Variants in C12orf42 observed in about 807,000 individuals in gnomAD.
C12orf42 encodes the protein uncharacterized protein C12orf42.
Under a neutral mutation model 21.6 loss-of-function variants are expected in C12orf42, and 25 were observed. The observed-to-expected ratio is 1.16, with a 90% CI of 0.84 to 1.62. The LOEUF (loss-of-function observed/expected upper bound fraction) is 1.62. C12orf42 is among the 40% of genes most tolerant of loss of function. The probability of loss-of-function intolerance (pLI) is 0.00; values close to 1 mark genes in which losing one functional copy is unlikely to be tolerated. For missense variants in C12orf42, 483 were observed against 459.3 expected (o/e 1.05, Z -0.47); for synonymous variants, 174 against 175.0 (o/e 0.99, Z 0.05).
intron 2 of C12orf42, among the ~76,000 whole-genome samples, chr12:103,416,419 T>G (rs1254548971): frequency 1.3e-5 from 2 of 152,010 alleles, no homozygotes; most frequent in African/African-American, 4.8e-5. Context: ...CTTGAGAGCC[T>G]GGAAATCCAG....
intron 10 of C12orf42, among the ~76,000 whole-genome samples, chr12:103,252,645 G>GT (rs2034367927): frequency 1.3e-5 from 2 of 152,130 alleles, no homozygotes; most frequent in African/African-American, 2.4e-5. Context: ...GGGGTTGTTT[G>GT]TTTTTTTCTT....
chr12:103,298,916 T>C (rs752488941), downstream of C12orf42, among the ~76,000 whole-genome samples: 41 of 152,330 alleles, frequency 2.7e-4, no homozygotes, highest in Non-Finnish European at 5.6e-4. Context: ...TAATCTCTTA[T>C]GCTTTGTTTG....
chr12:103,255,152 CA>C (rs2034497928), intron 10 of C12orf42, among the ~76,000 whole-genome samples: 1 of 152,072 alleles, frequency 6.6e-6, no homozygotes, highest in African/African-American at 2.4e-5. Flanking sequence ...GAGGAAAAAT[CA>C]CGAGGTCAAG....
chr12:103,244,203 C>A (rs925037299), intron 10 of C12orf42, among the ~76,000 whole-genome samples: 4 of 152,092 alleles, frequency 2.6e-5, no homozygotes, highest in Admixed American at 2.6e-4. Flanking sequence ...CCATAACATG[C>A]ACGGATCCTA....
the C12orf42 span, among the ~76,000 whole-genome samples, chr12:103,186,191 A>C: frequency 6.6e-6 from 1 of 152,218 alleles, no homozygotes. Context: ...TAGGTCAAGA[A>C]AGCTACCAGG....
chr12:103,376,946 A>C (rs1403285412), intron 3 of C12orf42, among the ~76,000 whole-genome samples: 1 of 151,364 alleles, frequency 6.6e-6, no homozygotes, highest in African/African-American at 2.4e-5. Context: ...TTCCATTTTT[A>C]AAGCTTTTTC....
chr12:103,408,825 G>A (rs1259722916), intron 2 of C12orf42, among the ~76,000 whole-genome samples: 2 of 152,140 alleles, frequency 1.3e-5, no homozygotes, highest in Non-Finnish European at 2.9e-5. Flanking sequence ...AAGCACAAAA[G>A]TGCATCTGCT....
the C12orf42 span, among the ~76,000 whole-genome samples, chr12:103,196,632 G>C: frequency 1.3e-5 from 2 of 152,076 alleles, no homozygotes; most frequent in Admixed American, 1.3e-4. Context: ...ATTTAGAATA[G>C]TTAAGTATTC....
chr12:103,118,837 AG>A, the C12orf42 span, among the ~76,000 whole-genome samples: 1 of 149,662 alleles, frequency 6.7e-6, no homozygotes, highest in African/African-American at 2.5e-5. Context: ...GGTATGCCTT[AG>A]ATTTATGAAT....
intron 4 of C12orf42, among the ~76,000 whole-genome samples, chr12:103,346,639 A>G (rs764657545): frequency 2.0e-5 from 3 of 152,198 alleles, no homozygotes; most frequent in Non-Finnish European, 4.4e-5. Context: ...CAGTGTGACT[A>G]CAAGAGGCAC....
chr12:103,550,391 C>G, the C12orf42 span: 1 of 152,064 alleles, frequency 6.6e-6, no homozygotes, highest in East Asian at 1.9e-4. Flanking sequence ...ATTCCATCGT[C>G]CTAATATACT....
the C12orf42 span, among the ~76,000 whole-genome samples, chr12:103,068,670 G>C: frequency 6.6e-6 from 1 of 151,634 alleles, no homozygotes; most frequent in South Asian, 2.1e-4. Context: ...CATCAGGCAG[G>C]CAGAAAAAAT....
At chr12:103,161,885 T>C in the C12orf42 span, among the ~76,000 whole-genome samples, 1 of 152,222 alleles carries the variant, frequency 6.6e-6, no homozygotes, top group Non-Finnish European at 1.5e-5. Context: ...GATTTTGATT[T>C]TTCAGAAGAA....
the C12orf42 span, among the ~76,000 whole-genome samples, chr12:103,122,879 T>C: frequency 6.6e-6 from 1 of 152,142 alleles, no homozygotes; most frequent in South Asian, 2.1e-4. Context: ...CCTAGCAGGA[T>C]ATCAGTCTGA....
At chr12:103,120,695 T>A in the C12orf42 span, among the ~76,000 whole-genome samples, 2 of 150,394 alleles carry the variant, frequency 1.3e-5, no homozygotes, top group East Asian at 1.9e-4. Context: ...ATGATTACTA[T>A]GATTATTATT....
At chr12:103,162,005 A>C in the C12orf42 span, among the ~76,000 whole-genome samples, 19 of 152,170 alleles carry the variant, frequency 1.2e-4, no homozygotes, top group Admixed American at 1.2e-3. Flanking sequence ...GGGGAATATA[A>C]AAGAAGCCTA....
chr12:103,132,985 G>A, the C12orf42 span, among the ~76,000 whole-genome samples: 1 of 152,160 alleles, frequency 6.6e-6, no homozygotes, highest in Admixed American at 6.5e-5. Flanking sequence ...GTAAGTGCCT[G>A]CATGTACACC....
chr12:103,499,810 G>A (rs950134032), upstream of C12orf42, among the ~76,000 whole-genome samples: 2 of 152,178 alleles, frequency 1.3e-5, no homozygotes, highest in African/African-American at 4.8e-5. Context: ...CTGGCAATGA[G>A]TCATCTTTGA....
At chr12:103,431,547 G>A (rs1267586616) in intron 2 of C12orf42, among the ~76,000 whole-genome samples, 5 of 152,128 alleles carry the variant, frequency 3.3e-5, no homozygotes, top group Non-Finnish European at 7.3e-5. Flanking sequence ...GTTCCTCATA[G>A]TTAAAAGGGG....
Sources: gnomAD v4.1 joint callset for allele counts (sites outside exome capture counted in the v4.1 genomes callset) on GRCh38, gnomAD v4.1.1 for gene constraint, MANE v1.5 for transcripts, NCBI Gene and HGNC (gene_info 2026-07-23, HGNC 2026-07-21) for gene names.